Variants in C1QTNF7 observed in about 807,000 individuals in gnomAD.
The protein encoded by C1QTNF7 is C1q and TNF related 7, also known as complement C1q tumor necrosis factor-related protein 7.
In C1QTNF7, 15 loss-of-function variants were observed where a neutral mutation model predicts 19.6. The ratio of observed to expected loss-of-function variants is 0.76; its 90% CI spans 0.51 to 1.18. C1QTNF7 has a LOEUF of 1.18. Ranked by LOEUF, C1QTNF7 falls within the 50% of genes most tolerant of loss-of-function variation. The probability of loss-of-function intolerance (pLI) is 0.00; values close to 1 mark genes in which losing one functional copy is unlikely to be tolerated. For missense variants in C1QTNF7, 324 were observed against 359.7 expected, an observed-to-expected ratio of 0.90 and a Z score of 0.80; for synonymous variants, 142 against 137.5, an observed-to-expected ratio of 1.03 and a Z score of -0.23.
chr4:15,439,546 T>C (rs1712667729), intron 2 of C1QTNF7, among the ~76,000 whole-genome samples: 1 of 152,246 alleles, frequency 6.6e-6, no homozygotes, highest in Non-Finnish European at 1.5e-5. Flanking sequence ...AAGTTTGGAT[T>C]GGACTTAGAT....
intron 1 of C1QTNF7, chr4:15,373,827 T>A (rs1458110710): frequency 6.6e-6 from 1 of 152,236 alleles, no homozygotes; most frequent in Non-Finnish European, 1.5e-5. Flanking sequence ...ACTCAATGGT[T>A]TCTTTCAGTC....
At chr4:15,347,393 C>G (rs1716758897) in intron 1 of C1QTNF7, among the ~76,000 whole-genome samples, 1 of 152,206 alleles carries the variant, frequency 6.6e-6, no homozygotes, top group Non-Finnish European at 1.5e-5. Context: ...TTTCCTCTGG[C>G]ATTTTAAATG....
intron 1 of C1QTNF7, among the ~76,000 whole-genome samples, chr4:15,357,296 G>T (rs1577232398): frequency 6.6e-6 from 1 of 152,160 alleles, no homozygotes; most frequent in East Asian, 1.9e-4. Context: ...AAGGCGTCCA[G>T]TTTCAGTTTT....
At chr4:15,396,009 G>C (rs1337141696) in intron 1 of C1QTNF7, among the ~76,000 whole-genome samples, 1 of 152,148 alleles carries the variant, frequency 6.6e-6, no homozygotes, top group East Asian at 1.9e-4. Context: ...TTAGTAAGTG[G>C]GGGGCAATGA....
intron 1 of C1QTNF7, among the ~76,000 whole-genome samples, chr4:15,399,578 A>G (rs1718911327): frequency 6.6e-6 from 1 of 152,160 alleles, no homozygotes; most frequent in African/African-American, 2.4e-5. Flanking sequence ...AAATGTGATG[A>G]CCCATTTAAA....
At chr4:15,355,133 G>A (rs1429149429) in intron 1 of C1QTNF7, among the ~76,000 whole-genome samples, 1 of 152,100 alleles carries the variant, frequency 6.6e-6, no homozygotes, top group East Asian at 1.9e-4. Context: ...ATAGAAACAT[G>A]AGGATCTGAG....
chr4:15,361,847 G>T (rs1425712202), intron 1 of C1QTNF7, among the ~76,000 whole-genome samples: 1 of 152,094 alleles, frequency 6.6e-6, no homozygotes, highest in Non-Finnish European at 1.5e-5. Flanking sequence ...AAGCCAAAAG[G>T]ATCTTTGGGA....
chr4:15,424,522 T>C (rs1428981281), upstream of C1QTNF7, among the ~76,000 whole-genome samples: 1 of 152,218 alleles, frequency 6.6e-6, no homozygotes, highest in Non-Finnish European at 1.5e-5. Context: ...TACTCAGTGA[T>C]ACACCCAGTG....
intron 1 of C1QTNF7, among the ~76,000 whole-genome samples, chr4:15,397,463 C>G (rs557700465): frequency 2.0e-5 from 3 of 152,220 alleles, no homozygotes; most frequent in Non-Finnish European, 4.4e-5. Flanking sequence ...TGAGCTCAGA[C>G]AACTCTTCCT....
In C1QTNF7 at chr4:15,416,243, C is replaced by A. The variant is rs190272143; in HGVS notation, c.14-19493C>A. 3.3e-5 allele frequency among the ~76,000 whole-genome samples: 5 copies of A among 152,298 alleles called. No individual in the cohort carries two copies. The East Asian group carries it at 9.6e-4, about 29-fold the overall frequency. On this transcript the variant is annotated intron_variant, in intron 1 of 2. Transcript: ENST00000295297. The stretch of plus-strand genomic sequence containing the variant: ...ACTAATAAGCCATTAGAAATTATTT[C>A]ATTTGCTATTATTCATTAATTTATT...
In C1QTNF7 at chr4:15,368,922, G is replaced by T. The variant is rs147793594; in HGVS notation, c.13+28715G>T. 3.3e-5 allele frequency among the ~76,000 whole-genome samples: 5 copies of T among 152,340 alleles called. No individual in the cohort carries two copies. The East Asian group carries it at 9.7e-4, about 29-fold the overall frequency. ...ATTCTGGGAAAGCCAACCAAATGGTGAATGTAAAGCGAAGATCATTTTCTG... is the reference window on the plus strand; with the variant it reads ...ATTCTGGGAAAGCCAACCAAATGGTTAATGTAAAGCGAAGATCATTTTCTG... On this transcript the variant is annotated intron_variant, in intron 1 of 2. Coordinates refer to the C1QTNF7 transcript ENST00000295297.
chr4:15,436,251 AC>A (rs1712532429), intron 2 of C1QTNF7, among the ~76,000 whole-genome samples: 1 of 152,212 alleles, frequency 6.6e-6, no homozygotes, highest in African/African-American at 2.4e-5. Context: ...TAAATGAATT[AC>A]TGAGAATGGA....
In C1QTNF7 at chr4:15,442,838, T is replaced by C. The variant is rs780499941; in HGVS notation, c.*39T>C. On this transcript the variant is annotated 3_prime_UTR_variant, in exon 3 of 3. Transcript: ENST00000444304. ...CCCTGTGGTAAACACTCTGATTGAA[T>C]CTGGGGTTCCAGAAGGTGGAACAAG... 2.0e-6 allele frequency: 3 copies of C among 1,527,770 alleles called. No homozygotes were observed. The African/African-American group carries it at 4.1e-5, about 21-fold the overall frequency. The allele number at this position is 1,527,770 out of a possible 1,614,324, so 94.6% of individuals were successfully genotyped here. A position where few individuals can be genotyped will look rare whatever the true frequency, so the allele number is the denominator to read the frequency against.
chr4:15,440,134 G>T (rs529573849), intron 2 of C1QTNF7, among the ~76,000 whole-genome samples: 1 of 152,196 alleles, frequency 6.6e-6, no homozygotes, highest in South Asian at 2.1e-4. Context: ...TTGGTCTGCA[G>T]ATATAAAGAT....
At chr4:15,441,379 C>T (rs969553823) in intron 2 of C1QTNF7, among the ~76,000 whole-genome samples, 6 of 152,168 alleles carry the variant, frequency 3.9e-5, no homozygotes, top group Admixed American at 2.6e-4. Flanking sequence ...TTAACATTGT[C>T]CCTGGAACAT....
chr4:15,396,566 C>T (rs1410586974), intron 1 of C1QTNF7, among the ~76,000 whole-genome samples: 14 of 151,946 alleles, frequency 9.2e-5, no homozygotes, highest in Non-Finnish European at 2.9e-5. Flanking sequence ...AAGACAAAGA[C>T]TTAGGGGGCA....
At chr4:15,376,922 T>A (rs1717958457) in intron 1 of C1QTNF7, among the ~76,000 whole-genome samples, 1 of 152,200 alleles carries the variant, frequency 6.6e-6, no homozygotes, top group Non-Finnish European at 1.5e-5. Context: ...AAATTCCAAG[T>A]TTTGTGCATA....
chr4:15,424,469 G>A (rs1711946663), upstream of C1QTNF7, among the ~76,000 whole-genome samples: 2 of 152,148 alleles, frequency 1.3e-5, no homozygotes, highest in South Asian at 4.1e-4. Flanking sequence ...GGTGTTCCTT[G>A]GTTGATAGCT....
upstream of C1QTNF7, among the ~76,000 whole-genome samples, chr4:15,426,470 TAAAGAAGAA>T (rs1403536702): frequency 6.6e-6 from 1 of 151,794 alleles, no homozygotes; most frequent in Non-Finnish European, 1.5e-5. Context: ...ATGAAAATAA[TAAAGAAGAA>T]AAAGAAGAAA....
Sources: gnomAD v4.1 joint callset for allele counts (sites outside exome capture counted in the v4.1 genomes callset) on GRCh38, gnomAD v4.1.1 for gene constraint, MANE v1.5 for transcripts, NCBI Gene and HGNC (gene_info 2026-07-23, HGNC 2026-07-21) for gene names.